The following MATR3 variants were observed in gnomAD, a reference collection of about 807,000 sequenced individuals.
The protein encoded by MATR3 is matrin 3, also known as matrin-3.
MATR3 carries 4 observed loss-of-function variants against 85.5 expected under a neutral mutation model. The ratio of observed to expected loss-of-function variants is 0.05; its 90% confidence interval spans 0.02 to 0.11. The LOEUF (loss-of-function observed/expected upper bound fraction) is 0.11. Among genes scored for constraint, MATR3 ranks in the 10% least tolerant of loss-of-function variants. MATR3 has a pLI of 1.00. For missense variants in MATR3, 685 were observed against 1,016.1 expected (o/e 0.67, Z 4.43); for synonymous variants, 336 against 343.1 (o/e 0.98, Z 0.23).
intron 1 of MATR3, among the ~76,000 whole-genome samples, chr5:139,295,777 G>A (rs1754115669): frequency 6.6e-6 from 1 of 152,170 alleles, no homozygotes; most frequent in Non-Finnish European, 1.5e-5. Flanking sequence ...GTGACCAGTT[G>A]CAAATAGTAG....
At chr5:139,289,417 C>G (rs1753804820), upstream of MATR3, among the ~76,000 whole-genome samples, 3 of 152,326 alleles carry the variant, frequency 2.0e-5, no homozygotes, top group Non-Finnish European at 2.9e-5. Context: ...AAGACCCCAT[C>G]TCTAAATATA....
chr5:139,329,938 T>C lies in MATR3; in HGVS notation c.*543T>C, dbSNP rs952223515. 8.8e-6 allele frequency: 4 copies of C among 454,436 alleles called. No homozygotes were observed. The highest frequency in any genetic ancestry group is 6.0e-5 in the African/African-American group (3 of 50,024). 28.2% of individuals were successfully genotyped at this position (454,436 alleles called of 1,614,324 possible). ...CAGGTGCAGTTTTCTGTTAATGTCA[T>C]GCTGTTGTTTAGGTAATAAGAAATA... On this transcript the variant is annotated 3_prime_UTR_variant, in exon 15 of 15. Coordinates refer to ENST00000394805, the MANE Select transcript of MATR3 (RefSeq NM_018834.6).
intron 1 of MATR3, chr5:139,294,129 G>C (rs1159094681): frequency 6.2e-6 from 7 of 1,130,728 alleles, no homozygotes; most frequent in African/African-American, 3.2e-5. Flanking sequence ...CTTCCTGCGC[G>C]TCCTGGGCTC....
intron 1 of MATR3, chr5:139,294,167 C>A: frequency 1.2e-6 from 1 of 835,746 alleles, no homozygotes; most frequent in Non-Finnish European, 1.6e-6. Flanking sequence ...GACGACTAGC[C>A]CGTTACACGC....
chr5:139,301,524 T>C lies in MATR3; in HGVS notation c.-177-5715T>C, dbSNP rs567072727. Among the ~76,000 whole-genome samples, 3 of 152,274 alleles carry C rather than the reference T, an allele frequency of 2.0e-5. No homozygotes were observed. In the East Asian group the frequency reaches 5.8e-4, roughly 29 times the overall value. ...TTAGTAGAGATGGGGTTTCAGCGTA[T>C]TGGCCAGGCTGGTCTCGGACTCCTG... is the stretch of plus-strand genomic sequence containing the variant. On this transcript the variant is annotated intron_variant, in intron 1 of 14. Transcript: ENST00000394805.
In MATR3 at chr5:139,286,399, C is replaced by T. The variant is rs1753704692; in HGVS notation, c.-178+7270C>T. Among the ~76,000 whole-genome samples the T allele has an allele frequency of 3.3e-5, 5 of 151,906 alleles. No individual in the cohort carries two copies. In the South Asian group the frequency reaches 1.0e-3, roughly 32 times the overall value. The stretch of plus-strand genomic sequence containing the variant: ...CTCACTGTGTTGATCAGGCTGGTCT[C>T]GAACTGCCCTCAAGTAATCCTCCCA... On this transcript the variant is annotated intron_variant, in intron 3 of 16. Transcript: ENST00000509990.
At chr5:139,321,113 T>C in intron 9 of MATR3, among the ~76,000 whole-genome samples, 1 of 151,858 alleles carries the variant, frequency 6.6e-6, no homozygotes, top group East Asian at 1.9e-4. Context: ...ACTAAAGTGA[T>C]TCTTGGGGAT....
At chr5:139,288,303 G>A (rs201302512) in intron 3 of MATR3, among the ~76,000 whole-genome samples, 114 of 114,644 alleles carry the variant, frequency 9.9e-4, no homozygotes, top group Non-Finnish European at 1.9e-3. Flanking sequence ...TATTTCTTTT[G>A]AATCTCCCAC....
intron 2 of MATR3, among the ~76,000 whole-genome samples, chr5:139,309,067 G>A (rs1462008298): frequency 2.0e-5 from 3 of 152,080 alleles, no homozygotes; most frequent in African/African-American, 7.2e-5. Flanking sequence ...TCTGAGTTAG[G>A]CTTAGACTTC....
chr5:139,289,291 C>A (rs926191638), upstream of MATR3, among the ~76,000 whole-genome samples: 1 of 152,182 alleles, frequency 6.6e-6, no homozygotes, highest in African/African-American at 2.4e-5. Context: ...TGGTGGCACA[C>A]CCCTGTAAGT....
intron 1 of MATR3, among the ~76,000 whole-genome samples, chr5:139,306,163 T>C (rs1754696206): frequency 6.6e-6 from 1 of 152,204 alleles, no homozygotes; most frequent in Admixed American, 6.5e-5. Flanking sequence ...TCAACTAATA[T>C]TTTATGACAA....
intron 1 of MATR3, among the ~76,000 whole-genome samples, chr5:139,296,174 T>C (rs997350920): frequency 2.6e-5 from 4 of 152,194 alleles, no homozygotes; most frequent in Non-Finnish European, 5.9e-5. Context: ...AAATTTAATA[T>C]CAGTTATTAA....
chr5:139,314,619 A>G, intron 2 of MATR3, 56 bp from the exon 3 acceptor site: 1 of 1,409,962 alleles, frequency 7.1e-7, no homozygotes, highest in Non-Finnish European at 1.0e-6. Flanking sequence ...TGAATGGTTC[A>G]GATGAAAATA....
chr5:139,324,310 T>TTG (rs1347405778), intron 12 of MATR3, among the ~76,000 whole-genome samples: 6 of 146,812 alleles, frequency 4.1e-5, no homozygotes, highest in East Asian at 2.0e-4. Flanking sequence ...TTTTTTTTTT[T>TTG]GGAGACGGAG....
intron 8 of MATR3, 107 bp downstream of exon 8, chr5:139,319,140 G>A (rs1237870074): frequency 1.6e-5 from 21 of 1,348,568 alleles, no homozygotes; most frequent in Middle Eastern, 2.0e-4. Context: ...GGTGGCTCAC[G>A]CCTGTAATCC....
In MATR3 at chr5:139,308,174, G is replaced by A; in HGVS notation, c.759G>A (p.Met253Ile). ...AATTTGACAGTGAGTATGAGAGAATGGGACGTGGTCCTGGCCCCTTACAAG... is the reference window on the plus strand; with the variant it reads ...AATTTGACAGTGAGTATGAGAGAATAGGACGTGGTCCTGGCCCCTTACAAG... ...YHKFDSEYERMGRGPGPLQER... is the reference protein window; with the variant it reads ...YHKFDSEYERIGRGPGPLQER... The change falls in exon 2 of 15, where the codon ATG (methionine) becomes ATA (isoleucine). Residue 253 changes from methionine (M) to isoleucine (I), a missense_variant. Met to Ile is a conservative substitution (Grantham distance 10). This residue lies in a region of MATR3 where 223 missense variants were observed against 334.4 expected (regional missense o/e 0.67). Transcript: ENST00000394805. The A allele has an allele frequency of 6.2e-7, 1 of 1,614,068 alleles. No individual in the cohort carries two copies. The highest frequency in any genetic ancestry group is 8.5e-7 in the Non-Finnish European group (1 of 1,179,984).
Position 139,307,499 on chromosome 5 carries a change from T to A in MATR3, c.84T>A (p.Leu28=). Residue 28 remains leucine (L), a synonymous_variant, in exon 2 of 15, where the codon CTT becomes CTA. Transcript: ENST00000394805. This position sits in a 1 kb window ranked among gnomAD's most constrained non-coding sequence, Gnocchi z 4.4. ...GRDLSAAGIG[L]LAAATQSLSM... ...ACCTGTCTGCGGCAGGAATAGGCCT[T>A]CTTGCTGCTGCTACCCAGTCTTTAA... 6.2e-7 allele frequency: 1 copy of A among 1,614,096 alleles called. No homozygotes were observed. Among genetic ancestry groups the A allele is most frequent in the South Asian group, 1.1e-5 (1 of 91,064 alleles).
At chr5:139,324,248 G>C (rs1460531784) in intron 12 of MATR3, among the ~76,000 whole-genome samples, 1 of 149,116 alleles carries the variant, frequency 6.7e-6, no homozygotes, top group East Asian at 2.0e-4. Flanking sequence ...AAGACACAGA[G>C]CCAAAATTTA....
intron 1 of MATR3, among the ~76,000 whole-genome samples, chr5:139,302,438 T>C (rs1003129058): frequency 6.6e-6 from 1 of 152,298 alleles, no homozygotes; most frequent in Non-Finnish European, 1.5e-5. Context: ...TTACAAAATA[T>C]GTTAGGAAAT....
Sources: gnomAD v4.1 joint callset for allele counts (sites outside exome capture counted in the v4.1 genomes callset) on GRCh38, gnomAD v4.1.1 for gene constraint, gnomAD v4.1.1 regional missense constraint, Gnocchi (gnomAD v3.1) non-coding constraint, MANE v1.5 for transcripts, NCBI Gene and HGNC (gene_info 2026-07-23, HGNC 2026-07-21) for gene names.